Variants in LRP2 observed in about 807,000 individuals in gnomAD.
The protein encoded by LRP2 is low-density lipoprotein receptor-related protein 2.
Under a neutral mutation model 531.0 loss-of-function variants are expected in LRP2, and 172 were observed. The ratio of observed to expected loss-of-function variants is 0.32; its 90% CI spans 0.29 to 0.37. The LOEUF is 0.37. Among genes scored for constraint, LRP2 ranks in the 10% least tolerant of loss-of-function variants. The probability of loss-of-function intolerance (pLI) is 1.00; values close to 1 mark genes in which losing one functional copy is unlikely to be tolerated. For missense variants in LRP2, 5,167 were observed against 5,868.3 expected (o/e 0.88, Z 3.90); for synonymous variants, 1,992 against 2,027.6 (o/e 0.98, Z 0.47).
chr2:169,322,637 G>C (rs1438887829), intron 1 of LRP2, among the ~76,000 whole-genome samples: 2 of 152,160 alleles, frequency 1.3e-5, no homozygotes, highest in African/African-American at 4.8e-5. Context: ...GGCTTTGGAG[G>C]TTTAGCTATT....
chr2:169,127,156 C>T lies in LRP2; in HGVS notation c.*1507G>A, dbSNP rs968890539. On this transcript the variant is annotated 3_prime_UTR_variant, in exon 79 of 79. Coordinates refer to ENST00000649046, the MANE Select transcript of LRP2 (RefSeq NM_004525.3). ...AGAACTTTTTCAGCAGCATTATTTC[C>T]AGTTGTTTATCTAATCAAAGTAATT... The T allele has an allele frequency of 2.0e-5, 3 of 152,514 alleles. No individual in the cohort carries two copies. Among genetic ancestry groups the T allele is most frequent in the African/African-American group, 7.2e-5 (3 of 41,394 alleles). 9.4% of individuals were successfully genotyped at this position (152,514 alleles called of 1,614,324 possible).
chr2:169,357,050 G>A (rs1686006843), intron 1 of LRP2, among the ~76,000 whole-genome samples: 1 of 151,872 alleles, frequency 6.6e-6, no homozygotes. Context: ...ACACAATAGT[G>A]GTAAAAATTT....
intron 65 of LRP2, among the ~76,000 whole-genome samples, chr2:169,155,196 G>A (rs1686287224): frequency 1.3e-5 from 2 of 152,078 alleles, no homozygotes; most frequent in Non-Finnish European, 2.9e-5. Context: ...TCTAGAATTT[G>A]TTAAGTTTAA....
At chr2:169,184,870 C>G (rs541926022) in intron 50 of LRP2, among the ~76,000 whole-genome samples, 1 of 152,088 alleles carries the variant, frequency 6.6e-6, no homozygotes, top group South Asian at 2.1e-4. Flanking sequence ...AAGGGATCCT[C>G]CTACCTCAGC....
At chr2:169,174,259 T>A in intron 55 of LRP2, 95 bp from the exon 56 acceptor site, 1 of 1,502,022 alleles carries the variant, frequency 6.7e-7, no homozygotes, top group Non-Finnish European at 9.2e-7. Context: ...GGATCATGAT[T>A]TCTTTTTAGA....
At chr2:169,178,527 G>T (rs1192648987) in intron 52 of LRP2, among the ~76,000 whole-genome samples, 1 of 152,198 alleles carries the variant, frequency 6.6e-6, no homozygotes, top group Non-Finnish European at 1.5e-5. Flanking sequence ...AGTATAACCT[G>T]AGGGGAACAC....
At chr2:169,297,135 C>A (rs1430043009) in intron 4 of LRP2, among the ~76,000 whole-genome samples, 3 of 151,996 alleles carry the variant, frequency 2.0e-5, no homozygotes, top group Non-Finnish European at 4.4e-5. Context: ...TCTTTGGAGA[C>A]CCACACAGAG....
Position 169,188,051 on chromosome 2 carries a change from C to T in LRP2, c.9247G>A (p.Asp3083Asn), listed in dbSNP as rs763569305. The part of the protein sequence containing the change: ...PTCPPHEFKC[D>N]NGRCIEMMKL... ...ATCATCTCGATGCAGCGCCCATTGT[C>T]ACACTTGAACTCGTGAGGTGGACAC... The change falls in exon 49 of 79, where the codon GAC becomes AAC. Residue 3083 changes from aspartate (D) to asparagine (N), a missense_variant. This residue lies in a region of LRP2 where 1,129 missense variants were observed against 1,362.7 expected (regional missense o/e 0.83). Transcript: ENST00000649046. 6.2e-7 allele frequency: 1 copy of T among 1,614,122 alleles called. No homozygotes were observed. Among genetic ancestry groups the T allele is most frequent in the Non-Finnish European group, 8.5e-7 (1 of 1,180,018 alleles).
intron 71 of LRP2, among the ~76,000 whole-genome samples, chr2:169,141,905 A>C (rs1033480020): frequency 6.6e-6 from 1 of 152,150 alleles, no homozygotes; most frequent in African/African-American, 2.4e-5. Flanking sequence ...CCAACTCCTC[A>C]GCCTGTTTGG....
chr2:169,201,934 A>T, intron 43 of LRP2, 64 bp from the exon 44 acceptor site: 1 of 1,592,354 alleles, frequency 6.3e-7, no homozygotes, highest in Non-Finnish European at 8.6e-7. Flanking sequence ...ATTTTTAAAA[A>T]GATACAATTA....
intron 31 of LRP2, among the ~76,000 whole-genome samples, chr2:169,229,518 T>C (rs913218588): frequency 6.6e-6 from 1 of 152,174 alleles, no homozygotes; most frequent in African/African-American, 2.4e-5. Flanking sequence ...GTCAGAAGTC[T>C]ATTTGTATTT....
chr2:169,279,674 T>C (rs1347256572), intron 11 of LRP2, 79 bp from the exon 12 acceptor site: 1 of 864,482 alleles, frequency 1.2e-6, no homozygotes, highest in East Asian at 2.6e-5. Flanking sequence ...TTAGCTATAA[T>C]CAAATCAGAA....
intron 41 of LRP2, among the ~76,000 whole-genome samples, chr2:169,205,072 C>T (rs1574130787): frequency 6.7e-6 from 1 of 148,964 alleles, no homozygotes; most frequent in Admixed American, 6.7e-5. Context: ...TTCTAAAAGA[C>T]ATTGAATGCT....
intron 4 of LRP2, among the ~76,000 whole-genome samples, chr2:169,301,878 A>G (rs1431318419): frequency 6.6e-6 from 1 of 152,168 alleles, no homozygotes; most frequent in East Asian, 1.9e-4. Flanking sequence ...GTCTGGAATG[A>G]CAGGCAGGGC....
At position 169,288,379 on chromosome 2, in the gene LRP2, G is replaced by T. The variant is rs547633044; in HGVS notation, c.1042+647C>A. Among the ~76,000 whole-genome samples, 4 of 152,330 alleles carry T rather than the reference G, an allele frequency of 2.6e-5. No homozygotes were observed. In the East Asian group the frequency reaches 5.8e-4, roughly 22 times the overall value. On this transcript the variant is annotated intron_variant, in intron 9 of 78. Coordinates refer to ENST00000649046, the MANE Select transcript of LRP2 (RefSeq NM_004525.3). The stretch of plus-strand genomic sequence containing the variant: ...GAGGAGAGATATGAGGAAATAGTTG[G>T]TGTACTGGTGTCTAGTTTAATGCCA...
chr2:169,209,341 A>G, intron 38 of LRP2, 112 bp downstream of exon 38: 1 of 963,044 alleles, frequency 1.0e-6, no homozygotes, highest in Non-Finnish European at 1.7e-6. Context: ...AATGGTCTTA[A>G]TAATTGTCTA....
At position 169,320,872 on chromosome 2, in the gene LRP2, G is replaced by T. The variant is rs144829356; in HGVS notation, c.92C>A (p.Ala31Glu). 1.0e-4 allele frequency: 162 copies of T among 1,612,254 alleles called. No individual in the cohort carries two copies. Among genetic ancestry groups the T allele is most frequent in the Non-Finnish European group, 1.3e-4 (157 of 1,178,464 alleles). ...ATGCCCACTTCCACAGCGAAAATGC[G>T]CACTGTCACATTCTGCAATAATAGA... The part of the protein sequence containing the change: ...APASGQECDS[A>E]HFRCGSGHCI... The change falls in exon 2 of 79, where the codon GCG (alanine) becomes GAG (glutamate). Residue 31 changes from alanine to glutamate, a missense_variant. This residue lies in a region of LRP2 where 2,811 missense variants were observed against 3,058.0 expected (regional missense o/e 0.92). Coordinates refer to ENST00000649046, the MANE Select transcript of LRP2 (RefSeq NM_004525.3).
Position 169,258,963 on chromosome 2 carries a change from C to A in LRP2, c.2513+62G>T, listed in dbSNP as rs1690422364. 27 of 1,471,868 alleles carry A rather than the reference C, an allele frequency of 1.8e-5. No homozygotes were observed. The South Asian group carries it at 3.0e-4, about 16-fold the overall frequency. The allele number at this position is 1,471,868 out of a possible 1,614,324, so 91.2% of individuals were successfully genotyped here. ...ACTTACCTAAATCCCTAGGGCATCA[C>A]TTTTCAATGACTGTAAAAGACATAC... On this transcript the variant is annotated intron_variant, in intron 17 of 78. Coordinates refer to ENST00000649046, the MANE Select transcript of LRP2 (RefSeq NM_004525.3).
At chr2:169,205,970 A>AT (rs1688369913) in intron 40 of LRP2, 53 bp downstream of exon 40, 6 of 1,610,444 alleles carry the variant, frequency 3.7e-6, no homozygotes, top group Non-Finnish European at 5.1e-6. Flanking sequence ...TTCAGGCCCC[A>AT]TTTTTTCCAG....
Sources: allele counts gnomAD v4.1 joint callset (sites outside exome capture counted in the v4.1 genomes callset), GRCh38; gene constraint gnomAD v4.1.1; regional missense constraint gnomAD v4.1.1; transcripts MANE v1.5; gene names NCBI Gene and HGNC (gene_info 2026-07-23, HGNC 2026-07-21).